LUZP2: variants seen among roughly 807,000 people sequenced by gnomAD.
The protein encoded by LUZP2 is leucine zipper protein 2.
Under a neutral mutation model 51.6 loss-of-function variants are expected in LUZP2, and 52 were observed. That is an observed-to-expected ratio of 1.01 (90% CI 0.81 to 1.27). The LOEUF is 1.27. LUZP2 is among the 50% of genes most tolerant of loss of function. The probability of loss-of-function intolerance (pLI) is 0.00; values close to 1 mark genes in which losing one functional copy is unlikely to be tolerated. For synonymous variants in LUZP2, 154 were observed against 137.3 expected (o/e 1.12, Z -0.85); for missense variants, 436 against 395.4 (o/e 1.10, Z -0.87).
At chr11:24,756,231 A>G (rs994999090) in intron 4 of LUZP2, among the ~76,000 whole-genome samples, 14 of 152,186 alleles carry the variant, frequency 9.2e-5, no homozygotes, top group African/African-American at 3.1e-4. Context: ...GTATTGATAC[A>G]CTGATTAATT....
intron 10 of LUZP2, among the ~76,000 whole-genome samples, chr11:25,071,499 C>T (rs1194093698): frequency 6.6e-6 from 1 of 151,942 alleles, no homozygotes; most frequent in Non-Finnish European, 1.5e-5. Context: ...GTAAGTGCTT[C>T]ATTGATCATA....
At chr11:24,933,858 A>T (rs1339122800) in intron 7 of LUZP2, among the ~76,000 whole-genome samples, 1 of 152,034 alleles carries the variant, frequency 6.6e-6, no homozygotes, top group Non-Finnish European at 1.5e-5. Flanking sequence ...TAGGTTTGGG[A>T]TGGGCGGTGG....
intron 4 of LUZP2, among the ~76,000 whole-genome samples, chr11:24,745,795 A>T (rs1859359132): frequency 6.6e-6 from 1 of 152,124 alleles, no homozygotes; most frequent in Non-Finnish European, 1.5e-5. Context: ...TTCCTATCTC[A>T]GCCTCCTGAG....
chr11:24,831,107 A>G lies in LUZP2; in HGVS notation c.396+67799A>G, dbSNP rs762479922. Reference sequence around the variant, plus strand: ...GTGTTCCTAACGATTAAGTTGTACCATCTCTCAAATGAAAAACACAAACAA... The same window carrying G: ...GTGTTCCTAACGATTAAGTTGTACCGTCTCTCAAATGAAAAACACAAACAA... On this transcript the variant is annotated intron_variant, in intron 5 of 11. Transcript: ENST00000336930. Among the ~76,000 whole-genome samples the G allele has an allele frequency of 1.1e-3, 169 of 152,346 alleles. 1 individual carries two copies. The highest frequency in any genetic ancestry group is 6.8e-3 in the Middle Eastern group (2 of 294).
intron 5 of LUZP2, among the ~76,000 whole-genome samples, chr11:24,854,200 T>A (rs756489283): frequency 9.7e-4 from 147 of 152,328 alleles, no homozygotes; most frequent in Middle Eastern, 6.8e-3. Flanking sequence ...AATATTTAAG[T>A]CTGTTGAAGC....
chr11:24,586,471 CAAAG>C (rs1853070405), intron 1 of LUZP2, among the ~76,000 whole-genome samples: 1 of 151,644 alleles, frequency 6.6e-6, no homozygotes, highest in Non-Finnish European at 1.5e-5. Context: ...TCAGAAATAA[CAAAG>C]ACTCTTTTTC....
intron 1 of LUZP2, among the ~76,000 whole-genome samples, chr11:24,545,667 C>T (rs1048676934): frequency 6.6e-6 from 1 of 150,404 alleles, no homozygotes; most frequent in African/African-American, 2.4e-5. Context: ...GTTCCAGTAC[C>T]ATGCTGTTTT....
intron 5 of LUZP2, among the ~76,000 whole-genome samples, chr11:24,880,737 A>AATGTGTGTGTGTGTGTGT (rs1852434208): frequency 6.7e-6 from 1 of 148,774 alleles, no homozygotes; most frequent in Non-Finnish European, 1.5e-5. Flanking sequence ...GATGGTGAAG[A>AATGTGTGTGTGTGTGTGT]ATGTGTGTGT....
intron 1 of LUZP2, among the ~76,000 whole-genome samples, chr11:24,685,405 T>C (rs1331900829): frequency 6.6e-6 from 1 of 152,064 alleles, no homozygotes; most frequent in Non-Finnish European, 1.5e-5. Flanking sequence ...TTCTCATCTC[T>C]TACCTCTACC....
intron 5 of LUZP2, among the ~76,000 whole-genome samples, chr11:24,834,722 G>C (rs528724065): frequency 6.6e-5 from 10 of 152,228 alleles, no homozygotes; most frequent in African/African-American, 2.4e-4. Context: ...CAGTGCAAAA[G>C]CATTCCTATT....
intron 5 of LUZP2, among the ~76,000 whole-genome samples, chr11:24,850,432 G>T (rs1288501159): frequency 6.6e-6 from 1 of 152,054 alleles, no homozygotes; most frequent in African/African-American, 2.4e-5. Context: ...TCAGGCAGTT[G>T]TAGATTTGTG....
At chr11:24,686,179 G>T (rs1856891438) in intron 1 of LUZP2, among the ~76,000 whole-genome samples, 1 of 150,682 alleles carries the variant, frequency 6.6e-6, no homozygotes, top group Admixed American at 6.6e-5. Context: ...TAAGGCATTT[G>T]TAGTCATGCT....
rs561392708 is a variant in LUZP2, at chr11:24,737,279, G to A, written c.252-942G>A. Among the ~76,000 whole-genome samples, 7 of 152,148 alleles carry A rather than the reference G, an allele frequency of 4.6e-5. No homozygotes were observed. In the East Asian group the frequency reaches 1.2e-3, roughly 25 times the overall value. ...GTTTTTGGATGAAGAAATTGAGTAT[G>A]AGAGGGTGTGTCACTTGCTCAAATA... On this transcript the variant is annotated intron_variant, in intron 3 of 11. Coordinates refer to ENST00000336930, the MANE Select transcript of LUZP2 (RefSeq NM_001009909.4).
Position 24,831,237 on chromosome 11 carries a change from T to C in LUZP2, c.396+67929T>C, listed in dbSNP as rs1036292991. 5.3e-5 allele frequency among the ~76,000 whole-genome samples: 8 copies of C among 152,336 alleles called. No homozygotes were observed. In the East Asian group the frequency reaches 1.5e-3, roughly 29 times the overall value. On this transcript the variant is annotated intron_variant, in intron 5 of 11. Transcript: ENST00000336930. The stretch of plus-strand genomic sequence containing the variant: ...GTCTTGTTCATATCTCTTGTTCCAT[T>C]GGAGCACAATGTCTAGCTCATGATT...
chr11:24,984,229 A>G (rs555881819), intron 9 of LUZP2, among the ~76,000 whole-genome samples: 2 of 151,588 alleles, frequency 1.3e-5, no homozygotes, highest in Non-Finnish European at 3.0e-5. Flanking sequence ...CAAATACCTA[A>G]TGATGTGTTA....
intron 5 of LUZP2, among the ~76,000 whole-genome samples, chr11:24,900,932 G>A (rs1590707968): frequency 6.6e-6 from 1 of 152,092 alleles, no homozygotes; most frequent in African/African-American, 2.4e-5. Flanking sequence ...AGCCTCTGCT[G>A]TTTTGTAACA....
chr11:24,943,366 C>T (rs1854808519), intron 7 of LUZP2, among the ~76,000 whole-genome samples: 1 of 151,938 alleles, frequency 6.6e-6, no homozygotes, highest in African/African-American at 2.4e-5. Context: ...CCTCTCTCTC[C>T]CTTTCATTTT....
chr11:24,900,274 C>T (rs1005171748), intron 5 of LUZP2, among the ~76,000 whole-genome samples: 1 of 151,978 alleles, frequency 6.6e-6, no homozygotes, highest in Non-Finnish European at 1.5e-5. Flanking sequence ...ACTGTTTTGG[C>T]CTTGCTTGTA....
chr11:24,522,227 T>A (rs558951189), intron 1 of LUZP2, among the ~76,000 whole-genome samples: 1 of 152,292 alleles, frequency 6.6e-6, no homozygotes, highest in East Asian at 1.9e-4. Context: ...TAACAATATT[T>A]AGCACCTTGT....
Sources: gnomAD v4.1 joint callset for allele counts (sites outside exome capture counted in the v4.1 genomes callset) on GRCh38, gnomAD v4.1.1 for gene constraint, MANE v1.5 for transcripts, NCBI Gene and HGNC (gene_info 2026-07-23, HGNC 2026-07-21) for gene names.